The following WDFY3 variants were observed in gnomAD, a reference collection of about 807,000 sequenced individuals.
WDFY3 encodes the protein WD repeat and FYVE domain containing 3.
A neutral mutation model predicts 409.6 loss-of-function variants in WDFY3; 66 were observed. The ratio of observed to expected loss-of-function variants is 0.16; its 90% CI spans 0.13 to 0.20. The LOEUF is 0.20. Among genes scored for constraint, WDFY3 ranks in the 10% least tolerant of loss-of-function variants. The probability of loss-of-function intolerance (pLI) is 1.00; values close to 1 mark genes in which losing one functional copy is unlikely to be tolerated. For synonymous variants in WDFY3, 1,521 were observed against 1,537.1 expected, an observed-to-expected ratio of 0.99 and a Z score of 0.25; for missense variants, 3,031 against 4,298.1, an observed-to-expected ratio of 0.71 and a Z score of 8.24.
intron 30 of WDFY3, among the ~76,000 whole-genome samples, chr4:84,769,711 C>T (rs11730031): frequency 0.16 from 24,059 of 152,028 alleles, 3,104 homozygotes; most frequent in African/African-American, 0.35. Flanking sequence ...CATGAGCCAC[C>T]GCGCCCGGCC....
In WDFY3 at chr4:84,738,498, A is replaced by G. The variant is rs1737846834; in HGVS notation, c.6574+512T>C. On this transcript the variant is annotated intron_variant, in intron 40 of 67. Transcript: ENST00000295888. ...GCACCTGTAGTCCCAGCTATTTAGG[A>G]GGCTGAGACATGAGAATCACTTGAA... 3.9e-5 allele frequency among the ~76,000 whole-genome samples: 6 copies of G among 151,996 alleles called. No homozygotes were observed. In the South Asian group the frequency reaches 1.2e-3, roughly 32 times the overall value.
chr4:84,799,753 G>C (rs182848420), intron 17 of WDFY3, among the ~76,000 whole-genome samples: 6 of 152,200 alleles, frequency 3.9e-5, no homozygotes, highest in Admixed American at 2.6e-4. Flanking sequence ...AGGCTTACAA[G>C]TTAGGTTTGC....
At chr4:84,696,903 ATGG>A in intron 56 of WDFY3, 80 bp from the exon 57 acceptor site, 1 of 1,274,764 alleles carries the variant, frequency 7.8e-7, no homozygotes, top group East Asian at 2.5e-5. Context: ...TGACTGAGAA[ATGG>A]TGGGTTAGAT....
intron 25 of WDFY3, among the ~76,000 whole-genome samples, chr4:84,782,093 A>G (rs1480815173): frequency 6.6e-6 from 1 of 152,226 alleles, no homozygotes; most frequent in East Asian, 1.9e-4. Flanking sequence ...AACAAAAACA[A>G]AAATAACGTT....
At chr4:84,934,866 T>C (rs1055645780) in intron 1 of WDFY3, among the ~76,000 whole-genome samples, 1 of 152,108 alleles carries the variant, frequency 6.6e-6, no homozygotes, top group East Asian at 1.9e-4. Flanking sequence ...TATTTATCAT[T>C]ACTTTGCTTT....
At chr4:84,806,772 AT>A (rs920654880) in intron 15 of WDFY3, among the ~76,000 whole-genome samples, 27 of 145,414 alleles carry the variant, frequency 1.9e-4, no homozygotes, top group South Asian at 2.2e-4. Flanking sequence ...TGCCCGGCCA[AT>A]TTTTTTTTTT....
chr4:84,887,620 T>C (rs1246672881), intron 3 of WDFY3, among the ~76,000 whole-genome samples: 2 of 152,176 alleles, frequency 1.3e-5, no homozygotes, highest in African/African-American at 4.8e-5. Context: ...TTCACAAAAA[T>C]TTATTCATTT....
chr4:84,953,390 C>G (rs910568680), intron 1 of WDFY3, among the ~76,000 whole-genome samples: 1 of 151,994 alleles, frequency 6.6e-6, no homozygotes, highest in Non-Finnish European at 1.5e-5. Flanking sequence ...GTATTGTATT[C>G]AGGATTTTTG....
At chr4:84,808,985 C>T (rs1290029421) in intron 14 of WDFY3, 1 of 152,190 alleles carries the variant, frequency 6.6e-6, no homozygotes, top group African/African-American at 2.4e-5. Context: ...CAGAAAAGGA[C>T]ACAAAACCTA....
chr4:84,890,251 C>T (rs1460481943), intron 3 of WDFY3, among the ~76,000 whole-genome samples: 1 of 152,132 alleles, frequency 6.6e-6, no homozygotes, highest in South Asian at 2.1e-4. Flanking sequence ...AGGTACACAT[C>T]AACATGCCCA....
intron 62 of WDFY3, among the ~76,000 whole-genome samples, chr4:84,687,300 G>A (rs1483410573): frequency 6.6e-6 from 1 of 151,878 alleles, no homozygotes; most frequent in African/African-American, 2.4e-5. Flanking sequence ...CCCACCACCA[G>A]CCCGGCTAAT....
At chr4:84,921,977 A>C (rs1167382724) in intron 2 of WDFY3, among the ~76,000 whole-genome samples, 1 of 151,464 alleles carries the variant, frequency 6.6e-6, no homozygotes, top group African/African-American at 2.4e-5. Context: ...TAGATTTTCA[A>C]TTTCTCAGTT....
At chr4:84,683,404 T>C (rs1266665744) in intron 63 of WDFY3, among the ~76,000 whole-genome samples, 2 of 152,176 alleles carry the variant, frequency 1.3e-5, no homozygotes, top group African/African-American at 4.8e-5. Context: ...AAAACTCAAA[T>C]ACTTCAACAG....
intron 32 of WDFY3, 85 bp downstream of exon 32, chr4:84,765,725 C>T (rs1560702247): frequency 7.9e-6 from 9 of 1,140,480 alleles, no homozygotes; most frequent in South Asian, 2.9e-5. Flanking sequence ...GTGATCAAAC[C>T]GCAGAGGATA....
chr4:84,934,742 C>T (rs1202880468), intron 1 of WDFY3, among the ~76,000 whole-genome samples: 1 of 152,144 alleles, frequency 6.6e-6, no homozygotes, highest in Non-Finnish European at 1.5e-5. Context: ...TGTCACCCAA[C>T]TCAAGAACCT....
Position 84,718,475 on chromosome 4 carries a change from T to A in WDFY3, c.7701A>T (p.Gly2567=). ...FGKEHFYVID[G]FTMTATREIR... ...TTTCCCTGGTTGCTGTCATGGTAAATCCATCAATCACATAAAAATGCTCTT... is the reference window on the plus strand; with the variant it reads ...TTTCCCTGGTTGCTGTCATGGTAAAACCATCAATCACATAAAAATGCTCTT... Residue 2567 remains glycine, a synonymous_variant, in exon 48 of 68, where the codon GGA becomes GGT. Transcript: ENST00000295888. 6.2e-7 allele frequency: 1 copy of A among 1,613,978 alleles called. No homozygotes were observed. The highest frequency in any genetic ancestry group is 8.5e-7 in the Non-Finnish European group (1 of 1,179,912).
chr4:84,821,403 C>T lies in WDFY3; in HGVS notation c.1272G>A (p.Gln424=). ...TCTCTGCAAACTGTGACAATGTGTG[C>T]TGTGACTCTAGGATGAAGTAATTGG... is the stretch of plus-strand genomic sequence containing the variant. ...DNANYFILES[Q]HTLSQFAEKI... Residue 424 remains glutamine, a synonymous_variant, in exon 11 of 68, where the codon CAG becomes CAA. Transcript: ENST00000295888. The T allele has an allele frequency of 1.9e-6, 3 of 1,613,894 alleles. No homozygotes were observed.
chr4:84,959,461 T>C (rs1441680540), intron 1 of WDFY3, among the ~76,000 whole-genome samples: 1 of 152,142 alleles, frequency 6.6e-6, no homozygotes, highest in Non-Finnish European at 1.5e-5. Context: ...AGCAGGGAAA[T>C]ACAGGCCCCA....
At chr4:84,837,724 ATAT>A (rs1450458105) in intron 6 of WDFY3, among the ~76,000 whole-genome samples, 1 of 152,166 alleles carries the variant, frequency 6.6e-6, no homozygotes, top group Non-Finnish European at 1.5e-5. Flanking sequence ...GTATGATATA[ATAT>A]TTATCAAAAT....
Sources: gnomAD v4.1 joint callset for allele counts (sites outside exome capture counted in the v4.1 genomes callset) on GRCh38, gnomAD v4.1.1 for gene constraint, MANE v1.5 for transcripts, NCBI Gene and HGNC (gene_info 2026-07-23, HGNC 2026-07-21) for gene names.